ASPG: variants seen among roughly 807,000 people sequenced by gnomAD.
The protein encoded by ASPG is 60 kDa lysophospholipase.
In ASPG, 53 loss-of-function variants were observed where a neutral mutation model predicts 63.2. The observed-to-expected ratio is 0.84, with a 90% confidence interval of 0.67 to 1.05. ASPG has a LOEUF of 1.05. Among genes scored for constraint, ASPG ranks in the 50% least tolerant of loss-of-function variants. The pLI, the probability that ASPG is intolerant of heterozygous loss-of-function variation, is 0.00. For synonymous variants in ASPG, 370 were observed against 355.0 expected (o/e 1.04, Z -0.48); for missense variants, 741 against 794.4 (o/e 0.93, Z 0.81).
In ASPG at chr14:104,092,887, T is replaced by C. The variant is rs2036413652; in HGVS notation, c.191+146T>C. 1.9e-5 allele frequency: 13 copies of C among 668,376 alleles called. No homozygotes were observed. In the South Asian group the frequency reaches 2.5e-4, roughly 13 times the overall value. The allele number at this position is 668,376 out of a possible 1,614,324, so 41.4% of individuals were successfully genotyped here. Reference sequence around the variant, plus strand: ...CCCTCAGCTTACAGGGCTTTAGGACTGACCAGCAGTCGCCTTCCACCAGAG... The same window carrying C: ...CCCTCAGCTTACAGGGCTTTAGGACCGACCAGCAGTCGCCTTCCACCAGAG... On this transcript the variant is annotated intron_variant, in intron 2 of 15. Coordinates refer to ENST00000551177, the MANE Select transcript of ASPG (RefSeq NM_001080464.3).
At chr14:104,111,314 G>A (rs1040386534) in intron 13 of ASPG, 188 bp from the exon 14 acceptor site, 29 of 709,916 alleles carry the variant, frequency 4.1e-5, no homozygotes, top group African/African-American at 5.8e-5. Flanking sequence ...CCCACCCACT[G>A]GGTGAAACCA....
At position 104,110,823 on chromosome 14, in the gene ASPG, C is replaced by T; in HGVS notation, c.1521-679C>T. ...CCCCACCTGGCCTGCTCCTGGCCTC[C>T]CCAGGTGGCGAGTGAGTTCTTCCCA... On this transcript the variant is annotated intron_variant, in intron 13 of 15. Coordinates refer to ENST00000551177, the MANE Select transcript of ASPG (RefSeq NM_001080464.3). The surrounding 1 kb of genome is among the most constrained non-coding windows in gnomAD (Gnocchi z 4.7). 3.0e-6 allele frequency: 3 copies of T among 985,286 alleles called. No homozygotes were observed. In the South Asian group the frequency reaches 1.4e-4, roughly 46 times the overall value. 61.0% of individuals were successfully genotyped at this position (985,286 alleles called of 1,614,324 possible). A position where few individuals can be genotyped will look rare whatever the true frequency, so the allele number is the denominator to read the frequency against.
At chr14:104,086,045 A>G (rs1770988) in intron 1 of ASPG, among the ~76,000 whole-genome samples, 193 bp downstream of exon 1, 49,234 of 151,972 alleles carry the variant, frequency 0.32, 10,212 homozygotes, top group African/African-American at 0.58. Flanking sequence ...GACAGAGGAG[A>G]TTGCGGTGGG....
Position 104,107,491 on chromosome 14 carries a change from C to A in ASPG, c.1433+146C>A, listed in dbSNP as rs375035688. 103 of 746,176 alleles carry A rather than the reference C, an allele frequency of 1.4e-4. 1 individual carries two copies. In the East Asian group the frequency reaches 3.2e-3, roughly 23 times the overall value. 46.2% of individuals were successfully genotyped at this position (746,176 alleles called of 1,614,324 possible). ...TAAAGGCTGCCCCCGCAGCCCGGGGCCCAGTAAGACCCCGGCCCAGAGTTC... is the reference window on the plus strand; with the variant it reads ...TAAAGGCTGCCCCCGCAGCCCGGGGACCAGTAAGACCCCGGCCCAGAGTTC... On this transcript the variant is annotated intron_variant, in intron 12 of 15. Transcript: ENST00000551177.
chr14:104,109,008 G>C lies in ASPG; in HGVS notation c.1434-221G>C, dbSNP rs1260237260. 3.5e-5 allele frequency: 34 copies of C among 985,310 alleles called. No individual in the cohort carries two copies. Among genetic ancestry groups the C allele is most frequent in the Non-Finnish European group, 4.0e-5 (33 of 829,926 alleles). 61.0% of individuals were successfully genotyped at this position (985,310 alleles called of 1,614,324 possible). On this transcript the variant is annotated intron_variant, in intron 12 of 15. Coordinates refer to ENST00000551177, the MANE Select transcript of ASPG (RefSeq NM_001080464.3). This position sits in a 1 kb window ranked among gnomAD's most constrained non-coding sequence, Gnocchi z 4.8. ...TGCAGACCTCAGCTGCCCTAAGAAG[G>C]AGTACTGGACAAATGGAGGTGGTGG...
At chr14:104,095,504 C>T in intron 3 of ASPG, 27 bp from the exon 4 acceptor site, 1 of 1,611,892 alleles carries the variant, frequency 6.2e-7, no homozygotes, top group Non-Finnish European at 8.5e-7. Context: ...AGGGGCTGGC[C>T]TGCCTGAGCA....
chr14:104,111,239 A>G (rs2037371380), intron 13 of ASPG: 44 of 945,146 alleles, frequency 4.7e-5, no homozygotes, highest in Non-Finnish European at 5.4e-5. Context: ...GCTGCTGTGT[A>G]TGCTGCTGTG....
At chr14:104,097,853 C>T (rs965617059) in intron 5 of ASPG, among the ~76,000 whole-genome samples, 1 of 133,164 alleles carries the variant, frequency 7.5e-6, no homozygotes, top group African/African-American at 2.8e-5. Flanking sequence ...GTTAGAGATG[C>T]ATATGGAGGT....
chr14:104,105,031 A>G lies in ASPG; in HGVS notation c.1050+296A>G, dbSNP rs1596100237. On this transcript the variant is annotated intron_variant, in intron 9 of 15. Transcript: ENST00000551177. ...GCCAGGAAATCCTCTCCTGCTCTCCACTCTTCCTCGAGGGTGGGGTTCAGA... is the reference window on the plus strand; with the variant it reads ...GCCAGGAAATCCTCTCCTGCTCTCCGCTCTTCCTCGAGGGTGGGGTTCAGA... The G allele has an allele frequency of 7.0e-6, 4 of 574,566 alleles. No individual in the cohort carries two copies. In the Admixed American group the frequency reaches 1.3e-4, roughly 19 times the overall value. The allele number at this position is 574,566 out of a possible 1,614,324, so 35.6% of individuals were successfully genotyped here.
In ASPG at chr14:104,098,034, G is replaced by A. The variant is rs200398796; in HGVS notation, c.513+397G>A. ...CGTATGGAGGTTCTGCGTTAGAGATGCGTATGGAGGTTTTGCGTTAGAGAT... is the reference window on the plus strand; with the variant it reads ...CGTATGGAGGTTCTGCGTTAGAGATACGTATGGAGGTTTTGCGTTAGAGAT... On this transcript the variant is annotated intron_variant, in intron 5 of 15. Coordinates refer to ENST00000551177, the MANE Select transcript of ASPG (RefSeq NM_001080464.3). Among the ~76,000 whole-genome samples the A allele has an allele frequency of 1.3e-3, 90 of 70,654 alleles. 1 individual carries two copies. Among genetic ancestry groups the A allele is most frequent in the East Asian group, 2.0e-3 (4 of 1,988 alleles). 46.4% of individuals were successfully genotyped at this position (70,654 alleles called of 152,430 possible). A position where few individuals can be genotyped will look rare whatever the true frequency, so the allele number is the denominator to read the frequency against.
In ASPG at chr14:104,110,188, G is replaced by C; in HGVS notation, c.1520+873G>C. The C allele has an allele frequency of 1.0e-6, 1 of 985,236 alleles. No homozygotes were observed. Among genetic ancestry groups the C allele is most frequent in the Non-Finnish European group, 1.2e-6 (1 of 829,880 alleles). The allele number at this position is 985,236 out of a possible 1,614,324, so 61.0% of individuals were successfully genotyped here. ...GGTGGCTGGGGTGGGGGTGCTGTGA[G>C]TGGTGGGGTCTGTGCGCCTGTAAGT... On this transcript the variant is annotated intron_variant, in intron 13 of 15. Coordinates refer to ENST00000551177, the MANE Select transcript of ASPG (RefSeq NM_001080464.3). The surrounding 1 kb of genome is among the most constrained non-coding windows in gnomAD (Gnocchi z 4.7).
intron 10 of ASPG, 53 bp downstream of exon 10, chr14:104,105,503 T>C (rs1217378463): frequency 6.7e-7 from 1 of 1,494,730 alleles, no homozygotes; most frequent in Non-Finnish European, 8.9e-7. Context: ...TGCACCCTCT[T>C]GGTCACCCTG....
rs185855697 is a variant in ASPG at position 104,100,432 on chromosome 14, C to T, written c.640+1453C>T. ...GTTGCCCCAGGGCCCCTCAGCAGGA[C>T]AGGACAGAGGAAACTGCCTGGTTCT... On this transcript the variant is annotated intron_variant, in intron 6 of 15. Coordinates refer to ENST00000551177, the MANE Select transcript of ASPG (RefSeq NM_001080464.3). Among the ~76,000 whole-genome samples the T allele has an allele frequency of 1.3e-3, 194 of 152,236 alleles. 1 individual carries two copies. The highest frequency in any genetic ancestry group is 4.5e-3 in the African/African-American group (185 of 41,550).
intron 1 of ASPG, among the ~76,000 whole-genome samples, chr14:104,090,483 C>G (rs981445666): frequency 6.6e-6 from 1 of 152,244 alleles, no homozygotes; most frequent in Admixed American, 6.5e-5. Context: ...TTCTGGAGGC[C>G]GAGGCCTGAG....
intron 1 of ASPG, among the ~76,000 whole-genome samples, chr14:104,092,342 G>C (rs1329293496): frequency 6.6e-6 from 1 of 152,164 alleles, no homozygotes; most frequent in Non-Finnish European, 1.5e-5. Context: ...GGGAGCAGGG[G>C]CAGGGCCTGG....
At position 104,105,376 on chromosome 14, in the gene ASPG, G is replaced by A; in HGVS notation, c.1099G>A (p.Glu367Lys). The change falls in exon 10 of 16, where the codon GAG becomes AAG. Residue 367 changes from glutamate to lysine, a missense_variant. Coordinates refer to ENST00000551177, the MANE Select transcript of ASPG (RefSeq NM_001080464.3). ...GGAGATGACGCCACCCTCGGTGGAA[G>A]AGCGCCGGCCCTCACTGCAGGGCAA... ...RGEMTPPSVE[E>K]RRPSLQGNTL... 6.2e-7 allele frequency: 1 copy of A among 1,612,590 alleles called. No individual in the cohort carries two copies. Among genetic ancestry groups the A allele is most frequent in the Non-Finnish European group, 8.5e-7 (1 of 1,179,754 alleles).
intron 3 of ASPG, 59 bp from the exon 4 acceptor site, chr14:104,095,472 A>ACCTC (rs1270968804): frequency 6.2e-7 from 1 of 1,604,206 alleles, no homozygotes; most frequent in Non-Finnish European, 8.5e-7. Flanking sequence ...CCATGCTGCA[A>ACCTC]CCTCCCCCAC....
chr14:104,093,496 C>T lies in ASPG; in HGVS notation c.197C>T (p.Ala66Val). 2 of 1,611,958 alleles carry T rather than the reference C, an allele frequency of 1.2e-6. No individual in the cohort carries two copies. The highest frequency in any genetic ancestry group is 1.7e-6 in the Non-Finnish European group (2 of 1,179,214). ...LSEDTLVLPP[A>V]SRNQRILYTV... ...CTGCTGTTTCTGTCCCGCAGCCCGG[C>T]CAGCCGCAACCAGAGGATTCTCTAC... is the stretch of plus-strand genomic sequence containing the variant. Residue 66 changes from alanine to valine, a missense_variant, in exon 3 of 16, where the codon GCC (alanine) becomes GTC (valine). Ala to Val is a moderately conservative substitution (Grantham distance 64, BLOSUM62 0). Transcript: ENST00000551177.
chr14:104,098,807 G>A, intron 5 of ASPG, 46 bp from the exon 6 acceptor site: 7 of 1,598,868 alleles, frequency 4.4e-6, no homozygotes, highest in Non-Finnish European at 6.0e-6. Context: ...GATGGGTCGG[G>A]GACAGGGTGG....
Sources: gnomAD v4.1 joint callset for allele counts (sites outside exome capture counted in the v4.1 genomes callset) on GRCh38, gnomAD v4.1.1 for gene constraint, Gnocchi (gnomAD v3.1) non-coding constraint, MANE v1.5 for transcripts, NCBI Gene and HGNC (gene_info 2026-07-23, HGNC 2026-07-21) for gene names.